Variants in FMN2 observed in about 807,000 individuals in gnomAD.
FMN2 encodes the protein formin-2.
A neutral mutation model predicts 142.3 loss-of-function variants in FMN2; 51 were observed. The observed-to-expected ratio is 0.36, with a 90% CI of 0.29 to 0.45. The LOEUF (loss-of-function observed/expected upper bound fraction) is 0.45. Among genes scored for constraint, FMN2 ranks in the 20% least tolerant of loss-of-function variants. The pLI is 1.00. For missense variants in FMN2, 1,936 were observed against 2,122.8 expected (o/e 0.91, Z 1.73); for synonymous variants, 882 against 869.8 (o/e 1.01, Z -0.25).
rs191494562 is a variant in FMN2 at position 240,193,023 on chromosome 1, A to C, written c.1986+4761A>C. ...CTTGAGATGAGAATGTGAAGAAATA[A>C]TTGGATGTCACAGATTGTTTTTGTT... On this transcript the variant is annotated intron_variant, in intron 4 of 17. Transcript: ENST00000319653. Among the ~76,000 whole-genome samples the C allele has an allele frequency of 1.8e-3, 272 of 152,296 alleles. 1 individual carries two copies. Among genetic ancestry groups the C allele is most frequent in the African/African-American group, 6.4e-3 (264 of 41,570 alleles).
chr1:240,346,949 T>C (rs1671929019), intron 13 of FMN2, among the ~76,000 whole-genome samples: 2 of 152,168 alleles, frequency 1.3e-5, no homozygotes, highest in Non-Finnish European at 2.9e-5. Context: ...GGAAAAACAA[T>C]CTGAGAAACT....
At chr1:240,155,435 G>A (rs1663984002) in intron 2 of FMN2, among the ~76,000 whole-genome samples, 1 of 152,052 alleles carries the variant, frequency 6.6e-6, no homozygotes, top group South Asian at 2.1e-4. Context: ...GATGTGCACT[G>A]CCATGCCTAG....
chr1:240,139,109 C>T (rs74149343), intron 2 of FMN2, among the ~76,000 whole-genome samples: 3,941 of 152,188 alleles, frequency 0.026, 166 homozygotes, highest in African/African-American at 0.09. Flanking sequence ...CCAATGATGC[C>T]GGTCGGGGAC....
intron 16 of FMN2, among the ~76,000 whole-genome samples, chr1:240,441,991 C>T (rs1675636908): frequency 6.6e-6 from 1 of 152,134 alleles, no homozygotes; most frequent in South Asian, 2.1e-4. Context: ...AGTCAAACCT[C>T]AGAAGGGCAA....
At chr1:240,266,959 A>C (rs1364276716) in intron 7 of FMN2, among the ~76,000 whole-genome samples, 2 of 152,184 alleles carry the variant, frequency 1.3e-5, no homozygotes, top group African/African-American at 4.8e-5. Context: ...AGATGGATTA[A>C]AGAGTTAAAT....
intron 6 of FMN2, among the ~76,000 whole-genome samples, chr1:240,217,035 C>T (rs1431014577): frequency 5.3e-5 from 8 of 152,106 alleles, no homozygotes; most frequent in Non-Finnish European, 8.8e-5. Flanking sequence ...GAGTACATAA[C>T]GTAATACCTG....
chr1:240,170,822 G>A (rs1387612860), intron 2 of FMN2: 8 of 855,582 alleles, frequency 9.4e-6, no homozygotes, highest in East Asian at 4.8e-5. Context: ...GGTGCATCCC[G>A]GATCATTGGT....
In FMN2 at chr1:240,223,620, T is replaced by C. The variant is rs186072822; in HGVS notation, c.4065+12385T>C. Among the ~76,000 whole-genome samples the C allele has an allele frequency of 1.4e-3, 214 of 152,242 alleles. 2 individuals carry two copies. The highest frequency in any genetic ancestry group is 6.8e-3 in the Middle Eastern group (2 of 294). On this transcript the variant is annotated intron_variant, in intron 6 of 17. Coordinates refer to ENST00000319653, the MANE Select transcript of FMN2 (RefSeq NM_020066.5). ...CTGTGAATCTGTCTAGTCCTGGGCT[T>C]TTTTTGGTTGGTAGGCTAGCAATTA...
intron 5 of FMN2, 135 bp from the exon 6 acceptor site, chr1:240,210,956 C>T (rs1279014480): frequency 7.3e-6 from 5 of 685,826 alleles, no homozygotes; most frequent in Non-Finnish European, 1.2e-5. Flanking sequence ...AATATTTTTT[C>T]CTTCTTATCT....
intron 15 of FMN2, among the ~76,000 whole-genome samples, chr1:240,419,248 C>T (rs1223281593): frequency 6.6e-6 from 1 of 151,726 alleles, no homozygotes; most frequent in African/African-American, 2.4e-5. Flanking sequence ...TTTCATCTTC[C>T]TGGTTAACCT....
rs533111838 is a variant in FMN2 at position 240,189,782 on chromosome 1, G to A, written c.1986+1520G>A. On this transcript the variant is annotated intron_variant, in intron 4 of 17. Coordinates refer to ENST00000319653, the MANE Select transcript of FMN2 (RefSeq NM_020066.5). ...TTATCTGCAATGATTAGCCCACAGCGAATAAGAGAAAGAAAGATAAAAAGG... is the reference window on the plus strand; with the variant it reads ...TTATCTGCAATGATTAGCCCACAGCAAATAAGAGAAAGAAAGATAAAAAGG... 1.5e-3 allele frequency among the ~76,000 whole-genome samples: 222 copies of A among 152,280 alleles called. 2 individuals are homozygous for A. Among genetic ancestry groups the A allele is most frequent in the Middle Eastern group, 6.8e-3 (2 of 294 alleles).
chr1:240,281,743 C>A (rs904528818), intron 7 of FMN2, among the ~76,000 whole-genome samples: 16 of 88,008 alleles, frequency 1.8e-4, no homozygotes, highest in African/African-American at 1.3e-3. Context: ...ACAAATGACA[C>A]AATATCACTC....
chr1:240,170,319 T>C (rs1004248672), intron 2 of FMN2: 4 of 1,085,174 alleles, frequency 3.7e-6, no homozygotes, highest in Non-Finnish European at 5.7e-6. Flanking sequence ...CCAATGCCTA[T>C]ACCCTGAGCA....
intron 14 of FMN2, among the ~76,000 whole-genome samples, chr1:240,389,432 A>T (rs1572258455): frequency 6.6e-6 from 1 of 152,248 alleles, no homozygotes; most frequent in Admixed American, 6.5e-5. Flanking sequence ...TACACAGCCT[A>T]TAAAAGTTGT....
rs544748888 is a variant in FMN2, at chr1:240,127,580, C to A, written c.1782+4235C>A. Among the ~76,000 whole-genome samples the A allele has an allele frequency of 3.4e-4, 51 of 151,962 alleles. 1 individual carries two copies. Among genetic ancestry groups the A allele is most frequent in the Non-Finnish European group, 6.3e-4 (43 of 68,026 alleles). On this transcript the variant is annotated intron_variant, in intron 2 of 17. Coordinates refer to ENST00000319653, the MANE Select transcript of FMN2 (RefSeq NM_020066.5). ...GCAGTCTCGATCTCCTGGGCTCAAG[C>A]GATCCTTCCACCTCACCCTTCCAAG...
Position 240,092,315 on chromosome 1 carries a change from A to G in FMN2, c.206A>G (p.Asp69Gly). The part of the protein sequence containing the change: ...GESGKKKSKS[D>G]SRASVFSNLR... ...TCGGGCAAGAAGAAGAGCAAGTCCG[A>G]CTCCAGAGCCTCGGTGTTTTCCAAC... Residue 69 changes from aspartate (D) to glycine (G), a missense_variant, in exon 1 of 18, where the codon GAC becomes GGC. By Grantham distance (94) the Asp-to-Gly change is moderately conservative. This residue lies in a region of FMN2 where 751 missense variants were observed against 791.8 expected (regional missense o/e 0.95). Transcript: ENST00000319653. 6.2e-7 allele frequency: 1 copy of G among 1,602,354 alleles called. No individual in the cohort carries two copies. The highest frequency in any genetic ancestry group is 8.5e-7 in the Non-Finnish European group (1 of 1,172,986).
chr1:240,336,588 T>TTGCAATTG (rs1671568704), intron 13 of FMN2, among the ~76,000 whole-genome samples: 1 of 116,470 alleles, frequency 8.6e-6, no homozygotes. Context: ...AAAAAGGTGG[T>TTGCAATTG]TGCAATTGTT....
intron 2 of FMN2, among the ~76,000 whole-genome samples, chr1:240,133,383 C>G (rs1290796711): frequency 1.3e-5 from 2 of 152,178 alleles, no homozygotes; most frequent in African/African-American, 4.8e-5. Context: ...GTGGCCAAGG[C>G]TGGTCTTGAT....
At chr1:240,280,737 A>T (rs1669367927) in intron 7 of FMN2, among the ~76,000 whole-genome samples, 1 of 152,152 alleles carries the variant, frequency 6.6e-6, no homozygotes. Flanking sequence ...CACTATGCTT[A>T]AAATAAACAC....
Sources: allele counts gnomAD v4.1 joint callset (sites outside exome capture counted in the v4.1 genomes callset), GRCh38; gene constraint gnomAD v4.1.1; regional missense constraint gnomAD v4.1.1; transcripts MANE v1.5; gene names NCBI Gene and HGNC (gene_info 2026-07-23, HGNC 2026-07-21).